The following HABP2 variants were observed in gnomAD, a reference collection of about 807,000 sequenced individuals.
HABP2 encodes hyaluronan binding protein 2, also known as factor VII-activating protease.
A neutral mutation model predicts 66.5 loss-of-function variants in HABP2; 65 were observed. The ratio of observed to expected loss-of-function variants is 0.98; its 90% confidence interval spans 0.80 to 1.20. The LOEUF is 1.20. Among genes scored for constraint, HABP2 ranks in the 50% most tolerant of loss-of-function variants. The pLI is 0.00. For missense variants in HABP2, 786 were observed against 691.0 expected (o/e 1.14, Z -1.54); for synonymous variants, 263 against 253.9 (o/e 1.04, Z -0.34).
At chr10:113,558,798 G>A (rs911292928) in intron 1 of HABP2, among the ~76,000 whole-genome samples, 1 of 152,128 alleles carries the variant, frequency 6.6e-6, no homozygotes, top group African/African-American at 2.4e-5. Context: ...ATGGGGGCTT[G>A]TGCTTATGAG....
intron 1 of HABP2, among the ~76,000 whole-genome samples, chr10:113,565,312 G>T (rs1845178235): frequency 6.6e-6 from 1 of 152,196 alleles, no homozygotes; most frequent in South Asian, 2.1e-4. Flanking sequence ...AATACCTGAG[G>T]CTGGGTGATG....
intron 1 of HABP2, among the ~76,000 whole-genome samples, chr10:113,565,898 A>T (rs571748636): frequency 1.3e-5 from 2 of 152,184 alleles, no homozygotes; most frequent in Admixed American, 1.3e-4. Context: ...TGGATCTGTC[A>T]TGTTCCTCAT....
intron 1 of HABP2, among the ~76,000 whole-genome samples, chr10:113,563,657 A>G (rs1466141328): frequency 1.3e-5 from 2 of 152,162 alleles, no homozygotes; most frequent in Non-Finnish European, 2.9e-5. Flanking sequence ...GGCTGTAGGC[A>G]GCATGGCACC....
chr10:113,563,641 C>T (rs529603245), intron 1 of HABP2, among the ~76,000 whole-genome samples: 20 of 152,296 alleles, frequency 1.3e-4, no homozygotes, highest in African/African-American at 4.8e-4. Context: ...ACGTCTGCCA[C>T]CTGCTGGCTG....
rs200022561 is a variant in HABP2 at position 113,588,284 on chromosome 10, G to T, written c.1598G>T (p.Cys533Phe). 34 of 1,613,490 alleles carry T rather than the reference G, an allele frequency of 2.1e-5. No individual in the cohort carries two copies. Among genetic ancestry groups the T allele is most frequent in the Admixed American group, 2.0e-4 (12 of 59,988 alleles). Residue 533 changes from cysteine to phenylalanine, a missense_variant, in exon 13 of 13, where the codon TGT (cysteine) becomes TTT (phenylalanine). Coordinates refer to ENST00000351270, the MANE Select transcript of HABP2 (RefSeq NM_004132.5). ...VYGIVSWGLE[C>F]GKRPGVYTQV... ...GGGATAGTGAGCTGGGGCCTGGAGT[G>T]TGGGAAGAGGCCAGGGGTCTACACC...
At chr10:113,560,479 A>T (rs1845080537) in intron 1 of HABP2, among the ~76,000 whole-genome samples, 5 of 152,224 alleles carry the variant, frequency 3.3e-5, no homozygotes, top group Admixed American at 2.0e-4. Flanking sequence ...GACAAAGTTA[A>T]TCGTAGAACT....
chr10:113,575,614 T>G, intron 3 of HABP2, among the ~76,000 whole-genome samples: 1 of 150,832 alleles, frequency 6.6e-6, no homozygotes, highest in South Asian at 2.1e-4. Flanking sequence ...AAAAGGGGAG[T>G]TTCTCAATGA....
At chr10:113,581,250 T>C (rs534513097) in intron 8 of HABP2, among the ~76,000 whole-genome samples, 1 of 152,350 alleles carries the variant, frequency 6.6e-6, no homozygotes, top group South Asian at 2.1e-4. Flanking sequence ...CATATACAAC[T>C]ATTCTTTGAG....
chr10:113,554,603 G>A (rs1844957565), intron 1 of HABP2, among the ~76,000 whole-genome samples: 1 of 152,124 alleles, frequency 6.6e-6, no homozygotes, highest in Non-Finnish European at 1.5e-5. Context: ...GTCTGAGGCC[G>A]AGACACAGCA....
At position 113,553,188 on chromosome 10, in the gene HABP2, G is replaced by A; in HGVS notation, c.67G>A (p.Gly23Arg). Residue 23 changes from glycine to arginine, a missense_variant and splice_region_variant, in exon 1 of 13, where the codon GGG becomes AGG. Transcript: ENST00000351270. ...LMALVGKTACGFSLMSLLESL... is the reference protein window; with the variant it reads ...LMALVGKTACRFSLMSLLESL... ...GGCTCTGGTGGGAAAGACAGCCTGT[G>A]GGGTAAGTGTTCTTTTCTAATATTT... 1 of 1,607,114 alleles carries A rather than the reference G, an allele frequency of 6.2e-7. No individual in the cohort carries two copies.
At chr10:113,586,090 C>T (rs1418944451) in intron 12 of HABP2, 152 bp downstream of exon 12, 8 of 663,992 alleles carry the variant, frequency 1.2e-5, no homozygotes, top group East Asian at 2.7e-5. Flanking sequence ...CCCCCTGGCC[C>T]TCTGGTGCAT....
At chr10:113,554,856 G>A (rs1416340462) in intron 1 of HABP2, among the ~76,000 whole-genome samples, 3 of 152,202 alleles carry the variant, frequency 2.0e-5, no homozygotes, top group African/African-American at 7.2e-5. Context: ...GAGAAAATAT[G>A]AGAGTTAGCC....
Position 113,588,652 on chromosome 10 carries a change from T to C in HABP2, c.*283T>C. 1 of 527,770 alleles carries C rather than the reference T, an allele frequency of 1.9e-6. No homozygotes were observed. The highest frequency in any genetic ancestry group is 3.3e-6 in the Non-Finnish European group (1 of 300,970). The allele number at this position is 527,770 out of a possible 1,614,324, so 32.7% of individuals were successfully genotyped here. A position where few individuals can be genotyped will look rare whatever the true frequency, so the allele number is the denominator to read the frequency against. On this transcript the variant is annotated 3_prime_UTR_variant, in exon 13 of 13. Coordinates refer to ENST00000351270, the MANE Select transcript of HABP2 (RefSeq NM_004132.5). ...CCAATTGTACCTTCTAGAAAATCAG[T>C]GTTCACAGAGACTGCCTCCACCACA...
At chr10:113,559,550 G>A (rs1845062524) in intron 1 of HABP2, among the ~76,000 whole-genome samples, 1 of 152,196 alleles carries the variant, frequency 6.6e-6, no homozygotes. Context: ...CGTGGCCAAG[G>A]GCAGAGTCGC....
chr10:113,573,633 A>G (rs1052926384), intron 2 of HABP2, among the ~76,000 whole-genome samples: 3 of 152,364 alleles, frequency 2.0e-5, no homozygotes, highest in Admixed American at 1.3e-4. Flanking sequence ...CTTAGAGTGA[A>G]CAATACACCT....
chr10:113,578,164 A>G lies in HABP2; in HGVS notation c.568+19A>G, dbSNP rs1439136668. The G allele has an allele frequency of 1.9e-6, 3 of 1,613,534 alleles. No individual in the cohort carries two copies. Among genetic ancestry groups the G allele is most frequent in the East Asian group, 2.2e-5 (1 of 44,870 alleles). On this transcript the variant is annotated intron_variant, in intron 6 of 12. Transcript: ENST00000351270. ...GAAATAGGTATGGGTCTCTGCCACC[A>G]TCAGGGCCACAAGTGAGGCCTCTGG...
At position 113,575,940 on chromosome 10, in the gene HABP2, C is replaced by G. The variant is rs374774514; in HGVS notation, c.267C>G (p.Leu89=). The stretch of plus-strand genomic sequence containing the variant: ...CCTGTGAACACGGTGGGGACTGCCT[C>G]GTCCATGGGAGCACCTTCACATGCA... ...PNPCEHGGDC[L]VHGSTFTCSC... Residue 89 remains leucine (L), a synonymous_variant, in exon 4 of 13, where the codon CTC becomes CTG. Transcript: ENST00000351270. The G allele has an allele frequency of 6.2e-7, 1 of 1,612,154 alleles. No homozygotes were observed. Among genetic ancestry groups the G allele is most frequent in the Non-Finnish European group, 8.5e-7 (1 of 1,178,340 alleles).
intron 5 of HABP2, among the ~76,000 whole-genome samples, chr10:113,577,718 A>G (rs1845437761): frequency 6.6e-6 from 1 of 152,294 alleles, no homozygotes; most frequent in Non-Finnish European, 1.5e-5. Context: ...GCAGAGCTCT[A>G]CCTAGCTCAG....
intron 3 of HABP2, 71 bp downstream of exon 3, chr10:113,574,476 C>A: frequency 1.3e-6 from 1 of 749,568 alleles, no homozygotes; most frequent in Non-Finnish European, 2.4e-6. Flanking sequence ...GGACCACATG[C>A]AAGGGCCTCT....
Sources: allele counts gnomAD v4.1 joint callset (sites outside exome capture counted in the v4.1 genomes callset), GRCh38; gene constraint gnomAD v4.1.1; transcripts MANE v1.5; gene names NCBI Gene and HGNC (gene_info 2026-07-23, HGNC 2026-07-21).